Variants in LRIG1 observed in about 807,000 individuals in gnomAD.
The protein encoded by LRIG1 is leucine-rich repeats and immunoglobulin-like domains protein 1.
A neutral mutation model predicts 99.2 loss-of-function variants in LRIG1; 48 were observed. The ratio of observed to expected loss-of-function variants is 0.48; its 90% CI spans 0.38 to 0.62. The LOEUF is 0.62. Ranked by LOEUF, LRIG1 falls within the 20% of genes least tolerant of loss-of-function variation. The pLI, the probability that LRIG1 is intolerant of heterozygous loss-of-function variation, is 0.00. For missense variants in LRIG1, 1,646 were observed against 1,434.4 expected, an observed-to-expected ratio of 1.15 and a Z score of -2.38; for synonymous variants, 772 against 596.1, an observed-to-expected ratio of 1.29 and a Z score of -4.30.
Position 66,451,528 on chromosome 3 carries a change from A to G in LRIG1, c.365+31T>C, listed in dbSNP as rs774036609. ...AACAAACACCATGGCCCCACCACAC[A>G]GCCCAGAGTCCCCCAAACGGCACCA... On this transcript the variant is annotated intron_variant, in intron 3 of 18. Coordinates refer to ENST00000273261, the MANE Select transcript of LRIG1 (RefSeq NM_015541.3). The G allele has an allele frequency of 4.4e-6, 7 of 1,605,496 alleles. No homozygotes were observed. In the South Asian group the frequency reaches 7.8e-5, roughly 18 times the overall value.
chr3:66,490,306 G>A (rs920702164), intron 1 of LRIG1, among the ~76,000 whole-genome samples: 2 of 152,186 alleles, frequency 1.3e-5, no homozygotes, highest in East Asian at 1.9e-4. Flanking sequence ...AGGAAACCCT[G>A]CTCCCTTCGA....
At chr3:66,469,069 A>C (rs1700540280) in intron 1 of LRIG1, 2 of 152,252 alleles carry the variant, frequency 1.3e-5, no homozygotes, top group African/African-American at 4.8e-5. Context: ...GCTTATATTA[A>C]GATGACAAAA....
rs375691079 is a variant in LRIG1 at position 66,383,190 on chromosome 3, A to G, written c.2283T>C (p.Tyr761=). ...QNVVAEDAGR[Y]TCEMSNTLGT... ...CCAGGGTGTTGGACATCTCACAGGT[A>G]TATCGGCCCGCATCCTCTGCCACCA... Residue 761 remains tyrosine (Y), a synonymous_variant, in exon 15 of 19, where the codon TAT becomes TAC. Transcript: ENST00000273261. 19 of 1,614,078 alleles carry G rather than the reference A, an allele frequency of 1.2e-5. 1 individual carries two copies. In the South Asian group the frequency reaches 1.3e-4, roughly 11 times the overall value.
At chr3:66,496,068 C>T (rs1188790267) in intron 1 of LRIG1, among the ~76,000 whole-genome samples, 1 of 152,226 alleles carries the variant, frequency 6.6e-6, no homozygotes, top group African/African-American at 2.4e-5. Context: ...GCTCTCATCA[C>T]ACTACACTTA....
intron 3 of LRIG1, among the ~76,000 whole-genome samples, chr3:66,427,399 G>A (rs572504434): frequency 6.6e-6 from 1 of 152,294 alleles, no homozygotes; most frequent in East Asian, 1.9e-4. Context: ...CTTAGTACAG[G>A]GCACACCAGC....
At chr3:66,468,540 T>C (rs1307410805) in intron 1 of LRIG1, among the ~76,000 whole-genome samples, 3 of 152,202 alleles carry the variant, frequency 2.0e-5, no homozygotes, top group Non-Finnish European at 2.9e-5. Flanking sequence ...TTTTAAGCTT[T>C]CAGATGTTTG....
At chr3:66,493,905 A>G (rs1183486935) in intron 1 of LRIG1, among the ~76,000 whole-genome samples, 2 of 151,602 alleles carry the variant, frequency 1.3e-5, no homozygotes, top group African/African-American at 4.9e-5. Context: ...GAAGGAAAAA[A>G]AGAAAGAAGG....
Position 66,386,301 on chromosome 3 carries a change from T to C in LRIG1, c.1469A>G (p.Asp490Gly), listed in dbSNP as rs769175031. 26 of 1,613,190 alleles carry C rather than the reference T, an allele frequency of 1.6e-5. No homozygotes were observed. The highest frequency in any genetic ancestry group is 2.2e-5 in the Non-Finnish European group (26 of 1,179,458). The change falls in exon 13 of 19, where the codon GAT (aspartate) becomes GGT (glycine). Residue 490 changes from aspartate to glycine, a missense_variant and splice_region_variant. Asp to Gly is a moderately conservative substitution (Grantham distance 94, BLOSUM62 -1). Coordinates refer to ENST00000273261, the MANE Select transcript of LRIG1 (RefSeq NM_015541.3). Reference protein sequence around the residue: ...FSVPPESFVCDDFLKPQIITQ... With the variant: ...FSVPPESFVCGDFLKPQIITQ... ...GATGATCTGTGGCTTCAGGAAGTCA[T>C]CTGGGGAGAGAAGGGTCAACTGTAA... is the stretch of plus-strand genomic sequence containing the variant.
chr3:66,459,621 C>T (rs1232006438), intron 2 of LRIG1, among the ~76,000 whole-genome samples: 1 of 152,192 alleles, frequency 6.6e-6, no homozygotes, highest in Admixed American at 6.5e-5. Flanking sequence ...TTCCCCCATA[C>T]CACTTATCTC....
chr3:66,478,296 A>G (rs1700769776), intron 1 of LRIG1, among the ~76,000 whole-genome samples: 1 of 152,234 alleles, frequency 6.6e-6, no homozygotes. Flanking sequence ...TGGGGCAGAA[A>G]ATAACAGTTA....
chr3:66,500,874 CGGCCCCGCGCTGGGA>C lies in LRIG1; in HGVS notation c.-482_-468del, dbSNP rs1701342903. On this transcript the variant is annotated 5_prime_UTR_variant, in exon 1 of 19. Coordinates refer to ENST00000273261, the MANE Select transcript of LRIG1 (RefSeq NM_015541.3). ...TAGACCTCGGGCTGGACGGCGCGGCCGGCCCCGCGCTGGGAGGCCCCAGTGCGCCTCGCTGTCCCC... is the reference window on the plus strand; with the variant it reads ...TAGACCTCGGGCTGGACGGCGCGGCCGGCCCCAGTGCGCCTCGCTGTCCCC... The C allele has an allele frequency of 1.3e-5, 2 of 151,972 alleles. No individual in the cohort carries two copies. Among genetic ancestry groups the C allele is most frequent in the Non-Finnish European group, 2.9e-5 (2 of 67,982 alleles). 9.4% of individuals were successfully genotyped at this position (151,972 alleles called of 1,614,324 possible).
intron 8 of LRIG1, among the ~76,000 whole-genome samples, chr3:66,405,580 C>T (rs1389676580): frequency 3.9e-5 from 6 of 152,198 alleles, no homozygotes; most frequent in Non-Finnish European, 7.4e-5. Flanking sequence ...TATTCTGCCC[C>T]GAGAGAGCGG....
At chr3:66,467,466 T>G (rs2106854834) in intron 1 of LRIG1, among the ~76,000 whole-genome samples, 1 of 151,832 alleles carries the variant, frequency 6.6e-6, no homozygotes, top group East Asian at 1.9e-4. Context: ...TTCACACCAT[T>G]CTCCTGCCTC....
chr3:66,417,980 G>A (rs1032687883), intron 3 of LRIG1, among the ~76,000 whole-genome samples: 8 of 152,110 alleles, frequency 5.3e-5, no homozygotes, highest in African/African-American at 1.4e-4. Context: ...GGATAGGGAC[G>A]ATCCAGCCTA....
At chr3:66,444,712 G>A (rs1349784113) in intron 3 of LRIG1, among the ~76,000 whole-genome samples, 1 of 152,174 alleles carries the variant, frequency 6.6e-6, no homozygotes, top group Non-Finnish European at 1.5e-5. Flanking sequence ...CCCTACAGGT[G>A]GTCTACCAGT....
intron 11 of LRIG1, among the ~76,000 whole-genome samples, chr3:66,395,776 TGCATGGGGGTCAGGGCTGGCTGCGCCAG>T (rs1422443352): frequency 6.6e-6 from 1 of 152,148 alleles, no homozygotes; most frequent in Non-Finnish European, 1.5e-5. Context: ...GAGTGCACCC[TGCATGGGGGTCAGGGCTGGCTGCGCCAG>T]GCATGGGGGG....
chr3:66,498,564 TAAAA>T (rs1050819942), intron 1 of LRIG1, among the ~76,000 whole-genome samples: 3 of 124,620 alleles, frequency 2.4e-5, no homozygotes, highest in African/African-American at 8.3e-5. Flanking sequence ...TGATTCTATT[TAAAA>T]AAAAAAAAAA....
chr3:66,391,563 AAT>A (rs1478614975), intron 12 of LRIG1, among the ~76,000 whole-genome samples: 1 of 152,222 alleles, frequency 6.6e-6, no homozygotes, highest in Non-Finnish European at 1.5e-5. Flanking sequence ...AAATGCCCAG[AAT>A]AGGCAAATGA....
At chr3:66,388,988 C>T (rs1422001690) in intron 12 of LRIG1, among the ~76,000 whole-genome samples, 1 of 152,110 alleles carries the variant, frequency 6.6e-6, no homozygotes, top group East Asian at 1.9e-4. Context: ...ATTTTTGTAA[C>T]TCGCGTCTCC....
Sources: gnomAD v4.1 joint callset for allele counts (sites outside exome capture counted in the v4.1 genomes callset) on GRCh38, gnomAD v4.1.1 for gene constraint, MANE v1.5 for transcripts, NCBI Gene and HGNC (gene_info 2026-07-23, HGNC 2026-07-21) for gene names.